The following CTNND2 variants were observed in gnomAD, a reference collection of about 807,000 sequenced individuals.
CTNND2 encodes the protein catenin delta-2.
CTNND2 carries 22 observed loss-of-function variants against 144.4 expected under a neutral mutation model. That is an observed-to-expected ratio of 0.15 (90% CI 0.11 to 0.22). CTNND2 has a LOEUF of 0.22. Ranked by LOEUF, CTNND2 falls within the 10% of genes least tolerant of loss-of-function variation. CTNND2 has a pLI of 1.00. For missense variants in CTNND2, 1,353 were observed against 1,618.8 expected, an observed-to-expected ratio of 0.84 and a Z score of 2.82; for synonymous variants, 751 against 695.6, an observed-to-expected ratio of 1.08 and a Z score of -1.25.
chr5:11,298,919 C>T (rs1749285228), intron 9 of CTNND2, among the ~76,000 whole-genome samples: 1 of 152,120 alleles, frequency 6.6e-6, no homozygotes, highest in Admixed American at 6.6e-5. Context: ...CACTTTAGAA[C>T]AATGCGTAAT....
chr5:11,646,246 G>C (rs1022127629), intron 2 of CTNND2, among the ~76,000 whole-genome samples: 3 of 152,114 alleles, frequency 2.0e-5, no homozygotes, highest in Non-Finnish European at 4.4e-5. Flanking sequence ...GCTGTGCTTA[G>C]AGTCTTATGT....
chr5:11,833,565 C>G (rs982258755), intron 1 of CTNND2, among the ~76,000 whole-genome samples: 1 of 152,096 alleles, frequency 6.6e-6, no homozygotes, highest in Non-Finnish European at 1.5e-5. Context: ...GCTCTGTCAT[C>G]TAGGCTGCAG....
chr5:11,106,732 T>C (rs764923410), intron 14 of CTNND2, among the ~76,000 whole-genome samples: 1 of 152,166 alleles, frequency 6.6e-6, no homozygotes, highest in Non-Finnish European at 1.5e-5. Context: ...TTTTTCTTTA[T>C]TAAGAGAATG....
At chr5:11,861,045 T>C (rs1006731615) in intron 1 of CTNND2, among the ~76,000 whole-genome samples, 5 of 152,338 alleles carry the variant, frequency 3.3e-5, no homozygotes, top group Non-Finnish European at 5.9e-5. Flanking sequence ...CTCTAAGATG[T>C]AAACTATAGA....
intron 9 of CTNND2, among the ~76,000 whole-genome samples, chr5:11,292,457 A>C (rs1369930410): frequency 1.4e-5 from 2 of 139,454 alleles, no homozygotes; most frequent in Non-Finnish European, 3.3e-5. Flanking sequence ...CATAATCCCC[A>C]TGTGTGGAGG....
At chr5:11,476,114 G>A (rs576809951) in intron 3 of CTNND2, among the ~76,000 whole-genome samples, 4 of 149,226 alleles carry the variant, frequency 2.7e-5, no homozygotes, top group Admixed American at 1.3e-4. Context: ...CAAGTTATCC[G>A]CCCACCTCGG....
intron 12 of CTNND2, among the ~76,000 whole-genome samples, chr5:11,139,256 C>A (rs11748599): frequency 6.6e-6 from 1 of 152,152 alleles, no homozygotes; most frequent in African/African-American, 2.4e-5. Context: ...CGACCACACC[C>A]GGCCAGAAAC....
At chr5:11,899,488 T>C (rs1424650805) in intron 1 of CTNND2, among the ~76,000 whole-genome samples, 1 of 152,210 alleles carries the variant, frequency 6.6e-6, no homozygotes, top group Non-Finnish European at 1.5e-5. Context: ...TGTTTCAGAA[T>C]AGAAAGTTTA....
intron 7 of CTNND2, among the ~76,000 whole-genome samples, chr5:11,368,445 G>A (rs903483013): frequency 6.6e-6 from 1 of 152,132 alleles, no homozygotes; most frequent in Non-Finnish European, 1.5e-5. Flanking sequence ...TGGCAGGGAG[G>A]GAGGTATAGA....
At chr5:11,048,411 A>G (rs1344743042) in intron 16 of CTNND2, among the ~76,000 whole-genome samples, 1 of 152,224 alleles carries the variant, frequency 6.6e-6, no homozygotes, top group Non-Finnish European at 1.5e-5. Flanking sequence ...TTTCCCCATA[A>G]AAATCTTGCA....
chr5:11,138,898 T>C (rs1756420645), intron 12 of CTNND2, among the ~76,000 whole-genome samples: 1 of 152,194 alleles, frequency 6.6e-6, no homozygotes, highest in Admixed American at 6.5e-5. Flanking sequence ...CATGCAGAAC[T>C]AAAGCATTGG....
In CTNND2 at chr5:11,420,149, C is replaced by T. The variant is rs1290054449; in HGVS notation, c.288-8080G>A. The stretch of plus-strand genomic sequence containing the variant: ...TCAGCCTGGCCAACACAGTGAAACC[C>T]CATCTCTGCTAAAAATACAAAAAAT... On this transcript the variant is annotated intron_variant, in intron 3 of 21. Coordinates refer to ENST00000304623, the MANE Select transcript of CTNND2 (RefSeq NM_001332.4). Among the ~76,000 whole-genome samples the T allele has an allele frequency of 2.6e-5, 4 of 151,976 alleles. No individual in the cohort carries two copies. In the South Asian group the frequency reaches 6.2e-4, roughly 24 times the overall value.
At chr5:11,539,806 G>T (rs1297028934) in intron 3 of CTNND2, among the ~76,000 whole-genome samples, 1 of 152,212 alleles carries the variant, frequency 6.6e-6, no homozygotes, top group Non-Finnish European at 1.5e-5. Context: ...GGCCGAGGCA[G>T]GTGGATCACC....
rs561019856 is a variant in CTNND2 at position 10,974,041 on chromosome 5, C to T, written c.3418-328G>A. 1.2e-4 allele frequency among the ~76,000 whole-genome samples: 18 copies of T among 152,318 alleles called. No homozygotes were observed. The East Asian group carries it at 3.1e-3, about 26-fold the overall frequency. ...GTGTTGTGCAACCATCACCACCATC[C>T]GTTTCCACCACTTTTTAAATCATCC... is the stretch of plus-strand genomic sequence containing the variant. On this transcript the variant is annotated intron_variant, in intron 21 of 21. Transcript: ENST00000304623.
rs750938405 is a variant in CTNND2 at position 11,400,351 on chromosome 5, G to A, written c.440-3148C>T. ...AGACATCTGAACTGTGAGCAACAGC[G>A]GATCATCATGTCCTTCTTGGCCACA... On this transcript the variant is annotated intron_variant, in intron 5 of 21. Coordinates refer to ENST00000304623, the MANE Select transcript of CTNND2 (RefSeq NM_001332.4). Among the ~76,000 whole-genome samples, 27 of 152,078 alleles carry A rather than the reference G, an allele frequency of 1.8e-4. 1 individual carries two copies. The highest frequency in any genetic ancestry group is 8.3e-4 in the South Asian group (4 of 4,818).
chr5:11,178,275 T>A (rs1760666682), intron 11 of CTNND2, among the ~76,000 whole-genome samples: 1 of 152,350 alleles, frequency 6.6e-6, no homozygotes, highest in Admixed American at 6.5e-5. Context: ...TAAGCCTTTT[T>A]CTCAGTAGGT....
intron 2 of CTNND2, among the ~76,000 whole-genome samples, chr5:11,688,602 C>A (rs899647579): frequency 6.6e-6 from 1 of 152,136 alleles, no homozygotes; most frequent in Non-Finnish European, 1.5e-5. Context: ...TCAAAAATAA[C>A]CCTGTGCTTT....
intron 1 of CTNND2, among the ~76,000 whole-genome samples, chr5:11,812,080 T>C (rs954923964): frequency 6.6e-6 from 1 of 152,214 alleles, no homozygotes; most frequent in African/African-American, 2.4e-5. Context: ...CACTATTTCA[T>C]TCAAGGTTCC....
At chr5:11,382,963 AC>A (rs1758668057) in intron 7 of CTNND2, among the ~76,000 whole-genome samples, 1 of 152,076 alleles carries the variant, frequency 6.6e-6, no homozygotes, top group Non-Finnish European at 1.5e-5. Flanking sequence ...TTTACAATGT[AC>A]TTTTACTACC....
Sources: allele counts gnomAD v4.1 joint callset (sites outside exome capture counted in the v4.1 genomes callset), GRCh38; gene constraint gnomAD v4.1.1; transcripts MANE v1.5; gene names NCBI Gene and HGNC (gene_info 2026-07-23, HGNC 2026-07-21).